Variants in ACTR3 observed in about 807,000 individuals in gnomAD.
ACTR3 encodes actin related protein 3.
Under a neutral mutation model 56.8 loss-of-function variants are expected in ACTR3, and 12 were observed. The observed-to-expected ratio is 0.21, with a 90% CI of 0.14 to 0.34. The LOEUF (loss-of-function observed/expected upper bound fraction) is 0.34. Ranked by LOEUF, ACTR3 falls within the 10% of genes least tolerant of loss-of-function variation. ACTR3 has a pLI of 1.00. For synonymous variants in ACTR3, 162 were observed against 167.4 expected (o/e 0.97, Z 0.25); for missense variants, 282 against 512.5 (o/e 0.55, Z 4.34).
chr2:113,891,519 G>T (rs996513), intron 1 of ACTR3, among the ~76,000 whole-genome samples: 44,850 of 148,982 alleles, frequency 0.3, 10,918 homozygotes, highest in African/African-American at 0.67. Flanking sequence ...TAGGAAAGTG[G>T]TTTTTTTTTC....
At chr2:113,893,119 T>G (rs770995366) in intron 1 of ACTR3, among the ~76,000 whole-genome samples, 5 of 152,084 alleles carry the variant, frequency 3.3e-5, no homozygotes, top group Non-Finnish European at 7.4e-5. Flanking sequence ...GAAAACTAAA[T>G]AACAGAACTC....
intron 3 of ACTR3, among the ~76,000 whole-genome samples, chr2:113,923,712 A>G (rs929596983): frequency 6.8e-6 from 1 of 147,266 alleles, no homozygotes; most frequent in African/African-American, 2.5e-5. Flanking sequence ...TGGTTTCTCT[A>G]GGCACTGCTT....
intron 2 of ACTR3, among the ~76,000 whole-genome samples, chr2:113,915,313 T>C (rs1444446308): frequency 6.6e-6 from 1 of 152,168 alleles, no homozygotes; most frequent in Non-Finnish European, 1.5e-5. Flanking sequence ...GATGCGTCAC[T>C]CCAGTCACAT....
chr2:113,934,197 A>G (rs1001475423), intron 5 of ACTR3, 82 bp from the exon 6 acceptor site: 4 of 813,818 alleles, frequency 4.9e-6, no homozygotes, highest in Admixed American at 2.6e-5. Flanking sequence ...CCAGGGAACT[A>G]GTTTTTTTTT....
At chr2:113,933,141 AT>A (rs1679753924) in intron 5 of ACTR3, among the ~76,000 whole-genome samples, 2 of 152,352 alleles carry the variant, frequency 1.3e-5, no homozygotes, top group South Asian at 4.1e-4. Flanking sequence ...CCATAATTAA[AT>A]CATAGTAGTA....
intron 3 of ACTR3, among the ~76,000 whole-genome samples, chr2:113,921,827 C>T (rs926891121): frequency 2.0e-5 from 3 of 152,084 alleles, no homozygotes; most frequent in African/African-American, 7.2e-5. Flanking sequence ...GAGCTGGAGA[C>T]AGAGATTCAG....
chr2:113,912,126 T>C (rs1277560070), intron 1 of ACTR3, among the ~76,000 whole-genome samples: 1 of 152,102 alleles, frequency 6.6e-6, no homozygotes, highest in Non-Finnish European at 1.5e-5. Context: ...TCCACCCACC[T>C]CAGCTTCCCA....
At chr2:113,933,959 CAGTT>C (rs1679773993) in intron 5 of ACTR3, 1 of 226,374 alleles carries the variant, frequency 4.4e-6, no homozygotes, top group Non-Finnish European at 8.5e-6. Context: ...GGATTACAGA[CAGTT>C]AGTTCTGTAC....
chr2:113,899,534 T>C (rs1359392320), intron 1 of ACTR3, among the ~76,000 whole-genome samples: 2 of 152,234 alleles, frequency 1.3e-5, no homozygotes, highest in South Asian at 2.1e-4. Flanking sequence ...GAAATAATTA[T>C]GGATGGCTTA....
In ACTR3 at chr2:113,954,649, C is replaced by G. The variant is rs114192092; in HGVS notation, c.1078-974C>G. ...GGCTCTTAGGTTTTTTTTTTTGATG[C>G]AGCCACATCTTTTTTTTTGCCTACT... On this transcript the variant is annotated intron_variant, in intron 10 of 11. Transcript: ENST00000263238. The G allele has an allele frequency of 1.8e-3, 262 of 147,098 alleles. 1 individual carries two copies. The highest frequency in any genetic ancestry group is 6.3e-3 in the African/African-American group (252 of 39,804). 9.1% of individuals were successfully genotyped at this position (147,098 alleles called of 1,614,324 possible). A position where few individuals can be genotyped will look rare whatever the true frequency, so the allele number is the denominator to read the frequency against.
intron 8 of ACTR3, chr2:113,950,997 A>G (rs995786396): frequency 6.5e-6 from 1 of 152,826 alleles, no homozygotes; most frequent in African/African-American, 2.4e-5. Flanking sequence ...ACCTTGTGCA[A>G]CTTATTCACT....
In ACTR3 at chr2:113,956,414, A is replaced by G. The variant is rs552328588; in HGVS notation, c.1161+708A>G. 8.7e-5 allele frequency among the ~76,000 whole-genome samples: 13 copies of G among 150,160 alleles called. No individual in the cohort carries two copies. In the South Asian group the frequency reaches 2.3e-3, roughly 27 times the overall value. On this transcript the variant is annotated intron_variant, in intron 11 of 11. Coordinates refer to ENST00000263238, the MANE Select transcript of ACTR3 (RefSeq NM_005721.5). ...TTTTTAGCTTGCTAGACATTATTTT[A>G]GAGTGACCATTTTATACTATGTTTT...
Position 113,961,388 on chromosome 2 carries a change from A to C in ACTR3, c.*3933A>C, listed in dbSNP as rs1261914534. ...ACAATAAAAAAGGAACAACGATAGA[A>C]ATACGTGATCTAGGAAAGAAGGCAA... is the stretch of plus-strand genomic sequence containing the variant. On this transcript the variant is annotated 3_prime_UTR_variant, in exon 12 of 12. Transcript: ENST00000263238. 6.6e-6 allele frequency: 1 copy of C among 151,942 alleles called. No individual in the cohort carries two copies. The highest frequency in any genetic ancestry group is 1.5e-5 in the Non-Finnish European group (1 of 67,866). The allele number at this position is 151,942 out of a possible 1,614,324, so 9.4% of individuals were successfully genotyped here.
rs1260023854 is a variant in ACTR3 at position 113,959,200 on chromosome 2, A to T, written c.*1745A>T. The T allele has an allele frequency of 7.2e-5, 11 of 151,922 alleles. No homozygotes were observed. Among genetic ancestry groups the T allele is most frequent in the Admixed American group, 7.2e-4 (11 of 15,246 alleles). 9.4% of individuals were successfully genotyped at this position (151,922 alleles called of 1,614,324 possible). ...ACACAGACTACTTGGAATGTCTTAG[A>T]TGTCCTTGTATTGTAATTTTCTGTG... On this transcript the variant is annotated 3_prime_UTR_variant, in exon 12 of 12. Transcript: ENST00000263238.
chr2:113,898,239 A>G (rs6711858), intron 1 of ACTR3, among the ~76,000 whole-genome samples: 26,548 of 151,956 alleles, frequency 0.17, 4,144 homozygotes, highest in African/African-American at 0.4. Flanking sequence ...CAAATATAGC[A>G]TTTAATGTGT....
At chr2:113,917,101 T>C in intron 3 of ACTR3, 93 bp downstream of exon 3, 1 of 1,055,902 alleles carries the variant, frequency 9.5e-7, no homozygotes, top group Non-Finnish European at 1.3e-6. Context: ...TAGACCTTAT[T>C]AATATCCTCA....
At chr2:113,893,286 T>G (rs1047691530) in intron 1 of ACTR3, among the ~76,000 whole-genome samples, 12 of 144,016 alleles carry the variant, frequency 8.3e-5, no homozygotes, top group African/African-American at 2.8e-4. Context: ...TGCTTTTTGT[T>G]TTTTTGTTTG....
Position 113,913,208 on chromosome 2 carries a change from A to G in ACTR3, c.81A>G (p.Pro27=). ...TAGGATATGCTGGAAATACAGAACCACAGTTTATCATCCCTTCCTGTAAGT... is the reference window on the plus strand; with the variant it reads ...TAGGATATGCTGGAAATACAGAACCGCAGTTTATCATCCCTTCCTGTAAGT... ...TKLGYAGNTE[P]QFIIPSCIAI... is the part of the protein sequence containing the mutation. The change falls in exon 2 of 12, where the codon CCA becomes CCG. Residue 27 remains proline (P), a synonymous_variant. Coordinates refer to ENST00000263238, the MANE Select transcript of ACTR3 (RefSeq NM_005721.5). 1.3e-6 allele frequency: 2 copies of G among 1,595,014 alleles called. No individual in the cohort carries two copies. The highest frequency in any genetic ancestry group is 1.7e-6 in the Non-Finnish European group (2 of 1,171,040).
rs1183885659 is a variant in ACTR3, at chr2:113,940,105, A to G, written c.684+3A>G. ...TGGAAACTGCTAAGGCAGTAAAGGT[A>G]AAAAGTGTGATAGGAGTGTAATTTA... On this transcript the variant is annotated splice_donor_region_variant and intron_variant, in intron 7 of 11. Transcript: ENST00000263238. 9 of 1,610,258 alleles carry G rather than the reference A, an allele frequency of 5.6e-6. No homozygotes were observed. The African/African-American group carries it at 9.4e-5, about 17-fold the overall frequency.
Sources: allele counts gnomAD v4.1 joint callset (sites outside exome capture counted in the v4.1 genomes callset), GRCh38; gene constraint gnomAD v4.1.1; transcripts MANE v1.5; gene names NCBI Gene and HGNC (gene_info 2026-07-23, HGNC 2026-07-21).